PCYT2: variants seen among roughly 807,000 people sequenced by gnomAD.
PCYT2 encodes phosphate cytidylyltransferase 2, ethanolamine.
A neutral mutation model predicts 50.0 loss-of-function variants in PCYT2; 33 were observed. The ratio of observed to expected loss-of-function variants is 0.66; its 90% CI spans 0.50 to 0.88. The LOEUF is 0.88. Ranked by LOEUF, PCYT2 falls within the 40% of genes least tolerant of loss-of-function variation. The pLI, the probability that PCYT2 is intolerant of heterozygous loss-of-function variation, is 0.00. For missense variants in PCYT2, 430 were observed against 519.7 expected, an observed-to-expected ratio of 0.83 and a Z score of 1.68; for synonymous variants, 240 against 203.7, an observed-to-expected ratio of 1.18 and a Z score of -1.52.
Position 81,902,508 on chromosome 17 carries a change from C to G in PCYT2, c.*2325G>C. On this transcript the variant is annotated 3_prime_UTR_variant, in exon 13 of 13. Coordinates refer to ENST00000538936, the MANE Select transcript of PCYT2 (RefSeq NM_002861.5). The stretch of plus-strand genomic sequence containing the variant: ...GCGCCTCCCCGGAGCTGCAACTGCA[C>G]CCCAGGCTGCGGAGCCTCGTGAGTC... The G allele has an allele frequency of 6.9e-7, 1 of 1,440,066 alleles. No individual in the cohort carries two copies. Among genetic ancestry groups the G allele is most frequent in the Non-Finnish European group, 9.1e-7 (1 of 1,103,466 alleles). The allele number at this position is 1,440,066 out of a possible 1,614,324, so 89.2% of individuals were successfully genotyped here.
chr17:81,905,529 T>C (rs974820277), intron 10 of PCYT2, 82 bp from the exon 11 acceptor site: 2 of 1,447,154 alleles, frequency 1.4e-6, no homozygotes, highest in Admixed American at 3.9e-5. Flanking sequence ...GCCCCGGGGG[T>C]TGGGAGAGCT....
chr17:81,908,708 G>C, intron 3 of PCYT2, 74 bp from the exon 4 acceptor site: 1 of 1,404,564 alleles, frequency 7.1e-7, no homozygotes, highest in Non-Finnish European at 1.0e-6. Flanking sequence ...GGACCCTCTC[G>C]GCCCCTGGCC....
At chr17:81,908,031 T>G (rs981828945) in intron 4 of PCYT2, among the ~76,000 whole-genome samples, 174 bp from the exon 5 acceptor site, 3 of 152,072 alleles carry the variant, frequency 2.0e-5, no homozygotes, top group African/African-American at 7.2e-5. Context: ...GTTGGGAACA[T>G]GGGGAAGGCC....
chr17:81,907,384 C>T, intron 6 of PCYT2, 170 bp downstream of exon 6: 2 of 1,167,630 alleles, frequency 1.7e-6, no homozygotes, highest in Non-Finnish European at 2.4e-6. Flanking sequence ...CCCTCCCTCC[C>T]AGCATCCACC....
chr17:81,906,618 G>A, intron 7 of PCYT2, 72 bp from the exon 8 acceptor site: 1 of 1,571,942 alleles, frequency 6.4e-7, no homozygotes, highest in South Asian at 1.1e-5. Flanking sequence ...ATGCCCAAGG[G>A]CCTCCCCGCC....
In PCYT2 at chr17:81,902,426, C is replaced by T. The variant is rs1019735436; in HGVS notation, c.*2407G>A. The stretch of plus-strand genomic sequence containing the variant: ...GGGCTGCTGTCCGGCCTCCGCAGGT[C>T]CCCGTACGCGCGGCGCTCCCAGCCC... On this transcript the variant is annotated 3_prime_UTR_variant, in exon 13 of 13. Transcript: ENST00000538936. 2.7e-5 allele frequency: 36 copies of T among 1,352,590 alleles called. No homozygotes were observed. The highest frequency in any genetic ancestry group is 5.5e-5 in the South Asian group (3 of 54,324). The allele number at this position is 1,352,590 out of a possible 1,614,324, so 83.8% of individuals were successfully genotyped here. A position where few individuals can be genotyped will look rare whatever the true frequency, so the allele number is the denominator to read the frequency against.
chr17:81,905,960 G>C, intron 9 of PCYT2, 140 bp downstream of exon 9: 2 of 778,074 alleles, frequency 2.6e-6, no homozygotes, highest in East Asian at 5.4e-5. Context: ...GGTATGGGCA[G>C]GTGCCACAGA....
At position 81,902,434 on chromosome 17, in the gene PCYT2, G is replaced by A; in HGVS notation, c.*2399C>T. 7.4e-7 allele frequency: 1 copy of A among 1,352,540 alleles called. No individual in the cohort carries two copies. Among genetic ancestry groups the A allele is most frequent in the Non-Finnish European group, 9.4e-7 (1 of 1,059,970 alleles). 83.8% of individuals were successfully genotyped at this position (1,352,540 alleles called of 1,614,324 possible). A position where few individuals can be genotyped will look rare whatever the true frequency, so the allele number is the denominator to read the frequency against. ...GTCCGGCCTCCGCAGGTCCCCGTACGCGCGGCGCTCCCAGCCCTACAGAGG... is the reference window on the plus strand; with the variant it reads ...GTCCGGCCTCCGCAGGTCCCCGTACACGCGGCGCTCCCAGCCCTACAGAGG... On this transcript the variant is annotated 3_prime_UTR_variant, in exon 13 of 13. Coordinates refer to ENST00000538936, the MANE Select transcript of PCYT2 (RefSeq NM_002861.5).
chr17:81,904,712 G>A lies in PCYT2; in HGVS notation c.*121C>T. On this transcript the variant is annotated 3_prime_UTR_variant, in exon 13 of 13. Coordinates refer to ENST00000538936, the MANE Select transcript of PCYT2 (RefSeq NM_002861.5). ...CCTTGTAGGCAGGCAAGGAGGCAGA[G>A]TCCTCACCAGCCCTTCCAGAGCCAG... 1 of 654,304 alleles carries A rather than the reference G, an allele frequency of 1.5e-6. No homozygotes were observed. The allele number at this position is 654,304 out of a possible 1,614,324, so 40.5% of individuals were successfully genotyped here. A position where few individuals can be genotyped will look rare whatever the true frequency, so the allele number is the denominator to read the frequency against.
Position 81,903,817 on chromosome 17 carries a change from A to G in PCYT2, c.*1016T>C, listed in dbSNP as rs2040086778. 6.6e-6 allele frequency: 1 copy of G among 152,110 alleles called. No homozygotes were observed. The allele number at this position is 152,110 out of a possible 1,614,324, so 9.4% of individuals were successfully genotyped here. A position where few individuals can be genotyped will look rare whatever the true frequency, so the allele number is the denominator to read the frequency against. On this transcript the variant is annotated 3_prime_UTR_variant, in exon 13 of 13. Transcript: ENST00000538936. ...GGCCAGGTGCTGTAGGGCAGAGGCC[A>G]TTCTGGAGAGGAATGTGGGGCTGAA...
At chr17:81,905,349 C>T (rs189849659) in intron 11 of PCYT2, 33 bp downstream of exon 11, 6 of 1,537,384 alleles carry the variant, frequency 3.9e-6, no homozygotes, top group South Asian at 2.4e-5. Context: ...CCAATGGCAA[C>T]CCCTGTGCCC....
At position 81,911,301 on chromosome 17, in the gene PCYT2, C is replaced by T. The variant is rs745745281; in HGVS notation, c.55G>A (p.Gly19Ser). Residue 19 changes from glycine to serine, a missense_variant, in exon 1 of 13, where the codon GGC becomes AGC. Gly to Ser is a moderately conservative substitution (Grantham distance 56). Around this residue, in one of 4 missense-constraint regions of PCYT2, gnomAD observed 63 missense variants for 37.5 expected, o/e 1.68. Transcript: ENST00000538936. ...AGGAEQPGPG[G>S]RRAVRVWCDG... ...CACCACACCCTCACGGCGCGCCTGC[C>T]CCCCGGGCCCGGCTGCTCTGCGCCG... 9 of 1,138,888 alleles carry T rather than the reference C, an allele frequency of 7.9e-6. No individual in the cohort carries two copies. Among genetic ancestry groups the T allele is most frequent in the South Asian group, 4.2e-5 (2 of 47,338 alleles). The allele number at this position is 1,138,888 out of a possible 1,614,324, so 70.5% of individuals were successfully genotyped here. A position where few individuals can be genotyped will look rare whatever the true frequency, so the allele number is the denominator to read the frequency against.
intron 6 of PCYT2, 191 bp from the exon 7 acceptor site, chr17:81,907,089 C>T (rs2040314175): frequency 9.3e-7 from 1 of 1,080,942 alleles, no homozygotes; most frequent in African/African-American, 1.6e-5. Context: ...GCAGGCACCG[C>T]AGCAGACACC....
At position 81,902,403 on chromosome 17, in the gene PCYT2, G is replaced by A. The variant is rs1047080593; in HGVS notation, c.*2430C>T. ...CCTACTCGGTGGGCCGCGCCGCGGG[G>A]CTGCTGTCCGGCCTCCGCAGGTCCC... On this transcript the variant is annotated 3_prime_UTR_variant, in exon 13 of 13. Coordinates refer to ENST00000538936, the MANE Select transcript of PCYT2 (RefSeq NM_002861.5). 1.4e-4 allele frequency: 195 copies of A among 1,345,836 alleles called. 1 individual carries two copies. The East Asian group carries it at 5.9e-3, about 41-fold the overall frequency. The allele number at this position is 1,345,836 out of a possible 1,614,324, so 83.4% of individuals were successfully genotyped here.
At chr17:81,907,737 G>A (rs1241193549) in intron 5 of PCYT2, 36 bp downstream of exon 5, 14 of 1,603,502 alleles carry the variant, frequency 8.7e-6, no homozygotes, top group African/African-American at 6.7e-5. Flanking sequence ...TGGAGACCTC[G>A]ACCCAGGGGC....
intron 1 of PCYT2, among the ~76,000 whole-genome samples, chr17:81,910,094 G>C (rs1381657416): frequency 1.3e-5 from 2 of 152,230 alleles, no homozygotes; most frequent in African/African-American, 4.8e-5. Context: ...CACTGGCCCT[G>C]AAAATCCTGT....
chr17:81,902,292 G>A lies in PCYT2; in HGVS notation c.*2541C>T. On this transcript the variant is annotated 3_prime_UTR_variant, in exon 13 of 13. Coordinates refer to ENST00000538936, the MANE Select transcript of PCYT2 (RefSeq NM_002861.5). ...CCGGCGTCCCCATGGCCCGGTCCGC[G>A]ACACTGGCGGCCGCCGCCCTGGCGC... The A allele has an allele frequency of 1.5e-6, 2 of 1,320,172 alleles. No homozygotes were observed. The highest frequency in any genetic ancestry group is 1.9e-6 in the Non-Finnish European group (2 of 1,041,954). 81.8% of individuals were successfully genotyped at this position (1,320,172 alleles called of 1,614,324 possible).
Position 81,907,821 on chromosome 17 carries a change from G to A in PCYT2, c.444C>T (p.Asp148=), listed in dbSNP as rs1402073759. The A allele has an allele frequency of 2.5e-6, 4 of 1,613,156 alleles. No homozygotes were observed. Among genetic ancestry groups the A allele is most frequent in the African/African-American group, 1.3e-5 (1 of 74,942 alleles). Residue 148 remains aspartate (D), a synonymous_variant, in exon 5 of 13, where the codon GAC becomes GAT. Coordinates refer to ENST00000538936, the MANE Select transcript of PCYT2 (RefSeq NM_002861.5). ...TTACCAGCAGCATGCGGCCCACGAG[G>A]TCTGTGGTGGACACCCCTTGCGTGC... is the stretch of plus-strand genomic sequence containing the variant. The part of the protein sequence containing the change: ...CKRTQGVSTT[D]LVGRMLLVTK...
In PCYT2 at chr17:81,902,459, G is replaced by A; in HGVS notation, c.*2374C>T. On this transcript the variant is annotated 3_prime_UTR_variant, in exon 13 of 13. Coordinates refer to ENST00000538936, the MANE Select transcript of PCYT2 (RefSeq NM_002861.5). ...GCGCGGCGCTCCCAGCCCTACAGAG[G>A]GGCGGAACCCCCGGGCGGGGCCGGC... The A allele has an allele frequency of 1.4e-6, 2 of 1,387,372 alleles. No individual in the cohort carries two copies. Among genetic ancestry groups the A allele is most frequent in the Non-Finnish European group, 1.9e-6 (2 of 1,080,124 alleles). The allele number at this position is 1,387,372 out of a possible 1,614,324, so 85.9% of individuals were successfully genotyped here. A position where few individuals can be genotyped will look rare whatever the true frequency, so the allele number is the denominator to read the frequency against.
Sources: gnomAD v4.1 joint callset for allele counts (sites outside exome capture counted in the v4.1 genomes callset) on GRCh38, gnomAD v4.1.1 for gene constraint, gnomAD v4.1.1 regional missense constraint, MANE v1.5 for transcripts, NCBI Gene and HGNC (gene_info 2026-07-23, HGNC 2026-07-21) for gene names.